The following TNPO3 variants were observed in gnomAD, a reference collection of about 807,000 sequenced individuals.
TNPO3 encodes transportin 3, also known as transportin-3.
A neutral mutation model predicts 122.8 loss-of-function variants in TNPO3; 65 were observed. That is an observed-to-expected ratio of 0.53 (90% CI 0.43 to 0.65). The LOEUF is 0.65. Among genes scored for constraint, TNPO3 ranks in the 30% least tolerant of loss-of-function variants. The pLI, the probability that TNPO3 is intolerant of heterozygous loss-of-function variation, is 0.00. For synonymous variants in TNPO3, 372 were observed against 411.2 expected (o/e 0.90, Z 1.15); for missense variants, 850 against 1,136.7 (o/e 0.75, Z 3.63).
At chr7:129,044,975 G>A (rs574527127) in intron 1 of TNPO3, among the ~76,000 whole-genome samples, 31 of 152,266 alleles carry the variant, frequency 2.0e-4, no homozygotes, top group African/African-American at 6.7e-4. Context: ...AAATGGATAA[G>A]CCAAACGTGG....
intron 7 of TNPO3, among the ~76,000 whole-genome samples, chr7:128,999,613 C>CT (rs146907593): frequency 0.014 from 1,952 of 139,256 alleles, 44 homozygotes; most frequent in African/African-American, 0.046. Flanking sequence ...TTCTTTCTCA[C>CT]TTTTTTTTTT....
intron 16 of TNPO3, 71 bp downstream of exon 16, chr7:128,978,912 G>A (rs1297193769): frequency 1.0e-5 from 16 of 1,567,518 alleles, no homozygotes; most frequent in African/African-American, 4.1e-5. Flanking sequence ...GATTACAGAC[G>A]TGAGCCACCG....
chr7:128,979,265 T>C, intron 15 of TNPO3, 142 bp from the exon 16 acceptor site: 6 of 954,002 alleles, frequency 6.3e-6, no homozygotes, highest in Non-Finnish European at 7.7e-6. Flanking sequence ...GCCAGCATGC[T>C]CAGGTTCAAT....
At chr7:129,007,786 A>C (rs1278296866) in intron 4 of TNPO3, among the ~76,000 whole-genome samples, 2 of 152,222 alleles carry the variant, frequency 1.3e-5, no homozygotes, top group African/African-American at 4.8e-5. Context: ...TAGGATATAG[A>C]CTTCTGAGAC....
At chr7:129,046,195 C>CAAAAAAAAAA (rs5887409) in intron 1 of TNPO3, among the ~76,000 whole-genome samples, 2 of 79,302 alleles carry the variant, frequency 2.5e-5, no homozygotes, top group Non-Finnish European at 4.6e-5. Context: ...GACTCCGTCT[C>CAAAAAAAAAA]AAAAAAAAAA....
At chr7:129,025,819 GAAC>G (rs1176891794) in intron 1 of TNPO3, among the ~76,000 whole-genome samples, 3 of 151,456 alleles carry the variant, frequency 2.0e-5, no homozygotes, top group African/African-American at 7.3e-5. Flanking sequence ...AAATAAAACA[GAAC>G]AACAATAAAA....
intron 10 of TNPO3, chr7:128,990,338 TA>T: frequency 1.6e-6 from 1 of 615,958 alleles, no homozygotes; most frequent in Non-Finnish European, 2.9e-6. Context: ...TGAATGCCAG[TA>T]AAGTGCCTAC....
At chr7:129,045,894 A>G (rs976647062) in intron 1 of TNPO3, among the ~76,000 whole-genome samples, 1 of 152,132 alleles carries the variant, frequency 6.6e-6, no homozygotes, top group East Asian at 1.9e-4. Context: ...AATGTGGGTA[A>G]GTGCAAATAA....
chr7:129,004,897 A>C (rs113331686), intron 5 of TNPO3, 119 bp downstream of exon 5: 15 of 914,248 alleles, frequency 1.6e-5, no homozygotes, highest in African/African-American at 1.2e-4. Flanking sequence ...ACATTGCTGC[A>C]TTCTTAATAC....
rs145139124 is a variant in TNPO3, at chr7:128,970,427, T to C, written c.2431-112A>G. The stretch of plus-strand genomic sequence containing the variant: ...TTTAATAGGAAAGTGTGTGTGTGTG[T>C]GCACGCGTGGCTGTGTGTGTGTGTA... On this transcript the variant is annotated intron_variant, in intron 19 of 22. Coordinates refer to ENST00000265388, the MANE Select transcript of TNPO3 (RefSeq NM_012470.4). 7,478 of 981,768 alleles carry C rather than the reference T, an allele frequency of 7.6e-3. 126 individuals are homozygous for C. The highest frequency in any genetic ancestry group is 0.051 in the South Asian group (3,101 of 60,346). 60.8% of individuals were successfully genotyped at this position (981,768 alleles called of 1,614,324 possible). A position where few individuals can be genotyped will look rare whatever the true frequency, so the allele number is the denominator to read the frequency against.
intron 1 of TNPO3, among the ~76,000 whole-genome samples, chr7:129,028,581 G>A (rs368991318): frequency 2.3e-4 from 35 of 152,286 alleles, no homozygotes; most frequent in South Asian, 4.1e-4. Flanking sequence ...GGTCAGTCCC[G>A]GCAGCCACAG....
Position 128,960,177 on chromosome 7 carries a change from G to C in TNPO3, c.2712-2862C>G, listed in dbSNP as rs1409439045. On this transcript the variant is annotated intron_variant, in intron 21 of 22. Coordinates refer to ENST00000265388, the MANE Select transcript of TNPO3 (RefSeq NM_012470.4). ...TACTCACATGCTTGTGGTGATGCTG[G>C]TATAAACAAACCTACTGCACTGCCA... 2.6e-5 allele frequency among the ~76,000 whole-genome samples: 4 copies of C among 152,088 alleles called. No individual in the cohort carries two copies. The East Asian group carries it at 7.7e-4, about 29-fold the overall frequency.
At chr7:129,041,583 TG>T in intron 1 of TNPO3, 1 of 985,454 alleles carries the variant, frequency 1.0e-6, no homozygotes, top group African/African-American at 1.7e-5. Context: ...TAGCCACAGA[TG>T]CCAGGTGCTA....
At chr7:128,995,871 G>C (rs1801259103) in intron 8 of TNPO3, among the ~76,000 whole-genome samples, 1 of 152,268 alleles carries the variant, frequency 6.6e-6, no homozygotes, top group East Asian at 1.9e-4. Context: ...GCTAATTTTT[G>C]TATTTTTAGT....
chr7:129,025,942 A>G (rs960239077), intron 1 of TNPO3, among the ~76,000 whole-genome samples: 2 of 152,104 alleles, frequency 1.3e-5, no homozygotes, highest in Non-Finnish European at 2.9e-5. Flanking sequence ...CCTGGCCAAC[A>G]TGGTAAAACC....
chr7:129,001,975 T>C (rs1019728964), intron 5 of TNPO3, among the ~76,000 whole-genome samples: 1 of 152,144 alleles, frequency 6.6e-6, no homozygotes, highest in East Asian at 1.9e-4. Flanking sequence ...AAACACATCA[T>C]TGTGAAATTT....
rs778504249 is a variant in TNPO3, at chr7:128,990,026, C to T, written c.1433G>A (p.Arg478Gln). The T allele has an allele frequency of 7.4e-6, 12 of 1,614,030 alleles. No individual in the cohort carries two copies. The highest frequency in any genetic ancestry group is 2.2e-5 in the East Asian group (1 of 44,902). The change falls in exon 11 of 23, where the codon CGA (arginine) becomes CAA (glutamine). Residue 478 changes from arginine to glutamine, a missense_variant. Physicochemically the swap from Arg to Gln is conservative, Grantham distance 43. Coordinates refer to ENST00000265388, the MANE Select transcript of TNPO3 (RefSeq NM_012470.4). ...TCCAACCAATTCAATGCTGGTGTATCGCACAGCCGTATGTACGGTCTCCGG... is the reference window on the plus strand; with the variant it reads ...TCCAACCAATTCAATGCTGGTGTATTGCACAGCCGTATGTACGGTCTCCGG... The part of the protein sequence containing the change: ...RLPETVHTAV[R>Q]YTSIELVGEM...
intron 20 of TNPO3, 129 bp downstream of exon 20, chr7:128,970,019 G>T: frequency 1.0e-6 from 1 of 971,628 alleles, no homozygotes; most frequent in Non-Finnish European, 1.6e-6. Flanking sequence ...ATCTAATTTG[G>T]CAATATGCCT....
chr7:129,016,168 C>T (rs543988163), intron 3 of TNPO3, among the ~76,000 whole-genome samples: 14 of 152,082 alleles, frequency 9.2e-5, no homozygotes, highest in Admixed American at 7.9e-4. Flanking sequence ...TTTGGGAGGC[C>T]GAGGTGGGCA....
Sources: allele counts gnomAD v4.1 joint callset (sites outside exome capture counted in the v4.1 genomes callset), GRCh38; gene constraint gnomAD v4.1.1; transcripts MANE v1.5; gene names NCBI Gene and HGNC (gene_info 2026-07-23, HGNC 2026-07-21).